Variants in DDX10 observed in about 807,000 individuals in gnomAD.
DDX10 encodes DEAD-box helicase 10.
DDX10 carries 74 observed loss-of-function variants against 104.3 expected under a neutral mutation model. The observed-to-expected ratio is 0.71, with a 90% CI of 0.59 to 0.86. The LOEUF is 0.86. Among genes scored for constraint, DDX10 ranks in the 40% least tolerant of loss-of-function variants. The probability of loss-of-function intolerance (pLI) is 0.00; values close to 1 mark genes in which losing one functional copy is unlikely to be tolerated. For synonymous variants in DDX10, 351 were observed against 353.4 expected, an observed-to-expected ratio of 0.99 and a Z score of 0.08; for missense variants, 952 against 1,040.0, an observed-to-expected ratio of 0.92 and a Z score of 1.16.
At chr11:108,865,500 G>C (rs1314691671) in intron 16 of DDX10, among the ~76,000 whole-genome samples, 4 of 152,162 alleles carry the variant, frequency 2.6e-5, no homozygotes, top group African/African-American at 9.6e-5. Flanking sequence ...AACCATTTCG[G>C]TAGAAAGGAT....
intron 16 of DDX10, among the ~76,000 whole-genome samples, chr11:108,878,047 AAAGGT>A (rs1863176000): frequency 6.6e-6 from 1 of 152,152 alleles, no homozygotes; most frequent in Non-Finnish European, 1.5e-5. Flanking sequence ...CATTTAAAGG[AAAGGT>A]TTTTTTACAT....
At chr11:108,810,437 CA>C in intron 13 of DDX10, among the ~76,000 whole-genome samples, 1 of 152,162 alleles carries the variant, frequency 6.6e-6, no homozygotes, top group East Asian at 1.9e-4. Flanking sequence ...GGAGATGCTG[CA>C]CCCAATTGTA....
intron 16 of DDX10, among the ~76,000 whole-genome samples, chr11:108,858,317 A>C (rs1280783727): frequency 6.6e-6 from 1 of 152,158 alleles, no homozygotes; most frequent in African/African-American, 2.4e-5. Context: ...GTCTCTCATC[A>C]CTAGACTATA....
intron 13 of DDX10, among the ~76,000 whole-genome samples, chr11:108,742,368 C>T (rs2094326262): frequency 6.6e-6 from 1 of 151,550 alleles, no homozygotes; most frequent in Non-Finnish European, 1.5e-5. Flanking sequence ...GAGTTCGAGA[C>T]CAGCCTGACC....
chr11:108,679,691 T>C, intron 6 of DDX10, 131 bp downstream of exon 6: 1 of 627,358 alleles, frequency 1.6e-6, no homozygotes, highest in Non-Finnish European at 2.5e-6. Flanking sequence ...GCATAGTAAA[T>C]ATACCAGTTA....
At position 108,802,010 on chromosome 11, in the gene DDX10, G is replaced by GGGGTGT. The variant is rs1555026955; in HGVS notation, c.1966-36435_1966-36434insGGTGTG. Among the ~76,000 whole-genome samples the GGGGTGT allele has an allele frequency of 5.6e-3, 793 of 142,002 alleles. 1 individual carries two copies. The highest frequency in any genetic ancestry group is 9.0e-3 in the African/African-American group (354 of 39,214). The allele number at this position is 142,002 out of a possible 152,430, so 93.2% of individuals were successfully genotyped here. A position where few individuals can be genotyped will look rare whatever the true frequency, so the allele number is the denominator to read the frequency against. ...AAGGAAGGGGAGAGAAAGTGAGTGG[G>GGGGTGT]GTGTGTGTGTGTGTGTGTGTGTGTG... On this transcript the variant is annotated intron_variant, in intron 13 of 17. Coordinates refer to ENST00000322536, the MANE Select transcript of DDX10 (RefSeq NM_004398.4).
At chr11:108,667,352 C>A (rs2094211417) in intron 1 of DDX10, among the ~76,000 whole-genome samples, 1 of 152,188 alleles carries the variant, frequency 6.6e-6, no homozygotes, top group South Asian at 2.1e-4. Flanking sequence ...TGATTCTTTC[C>A]AAGATGAAGA....
Position 108,917,855 on chromosome 11 carries a change from C to T in DDX10, c.2305-18C>T. On this transcript the variant is annotated intron_variant, in intron 16 of 17. Transcript: ENST00000322536. ...ACTGACTTCTTCAACTGCAGTTTCCCTTATTATTATTTTTTAGGCCAAAGA... is the reference window on the plus strand; with the variant it reads ...ACTGACTTCTTCAACTGCAGTTTCCTTTATTATTATTTTTTAGGCCAAAGA... 1.2e-6 allele frequency: 2 copies of T among 1,607,552 alleles called. No homozygotes were observed. Among genetic ancestry groups the T allele is most frequent in the Non-Finnish European group, 1.7e-6 (2 of 1,178,714 alleles).
intron 15 of DDX10, among the ~76,000 whole-genome samples, chr11:108,849,130 G>A (rs553962131): frequency 5.4e-4 from 82 of 152,236 alleles, no homozygotes; most frequent in African/African-American, 1.8e-3. Flanking sequence ...TCCTGGGAAG[G>A]ATTTAGGTTT....
chr11:108,720,219 AGGG>A, intron 12 of DDX10, among the ~76,000 whole-genome samples: 1 of 152,242 alleles, frequency 6.6e-6, no homozygotes, highest in Non-Finnish European at 1.5e-5. Context: ...CTTGTTAATC[AGGG>A]AGCAGTTTAT....
intron 13 of DDX10, among the ~76,000 whole-genome samples, chr11:108,808,189 A>G (rs1862126218): frequency 6.6e-6 from 1 of 152,208 alleles, no homozygotes; most frequent in Non-Finnish European, 1.5e-5. Context: ...GAAATGTTTC[A>G]ATGATGGGAA....
chr11:108,867,613 A>G (rs1338929889), intron 16 of DDX10, among the ~76,000 whole-genome samples: 1 of 152,184 alleles, frequency 6.6e-6, no homozygotes, highest in Non-Finnish European at 1.5e-5. Flanking sequence ...AGCAAGGCCC[A>G]CACCCATACA....
At chr11:108,702,639 A>G (rs2094270071) in intron 9 of DDX10, among the ~76,000 whole-genome samples, 1 of 152,206 alleles carries the variant, frequency 6.6e-6, no homozygotes, top group South Asian at 2.1e-4. Flanking sequence ...CAGTGGAAGA[A>G]TTAACTGGTA....
Position 108,679,573 on chromosome 11 carries a change from T to G in DDX10, c.848+13T>G, listed in dbSNP as rs1472808064. On this transcript the variant is annotated intron_variant, in intron 6 of 17. Transcript: ENST00000322536. ...AAGCAAAATATAGGTATGTACTCTT[T>G]GAGTCAATCAAGATAAATGTTTTTT... The G allele has an allele frequency of 6.5e-7, 1 of 1,536,960 alleles. No homozygotes were observed. Among genetic ancestry groups the G allele is most frequent in the Non-Finnish European group, 8.8e-7 (1 of 1,141,558 alleles).
intron 6 of DDX10, among the ~76,000 whole-genome samples, chr11:108,681,886 A>G (rs762080393): frequency 5.9e-5 from 9 of 152,192 alleles, no homozygotes; most frequent in Non-Finnish European, 1.2e-4. Flanking sequence ...AACATTAATC[A>G]TTATGAAATG....
chr11:108,832,067 T>C (rs1358638409), intron 13 of DDX10, among the ~76,000 whole-genome samples: 1 of 152,184 alleles, frequency 6.6e-6, no homozygotes, highest in Non-Finnish European at 1.5e-5. Context: ...TTAGGGCTGC[T>C]ATAAATTTCA....
intron 13 of DDX10, among the ~76,000 whole-genome samples, chr11:108,785,723 T>C (rs1457891994): frequency 1.3e-5 from 2 of 152,156 alleles, no homozygotes; most frequent in Non-Finnish European, 2.9e-5. Flanking sequence ...TATGTAAAGG[T>C]GTTCATAATC....
At chr11:108,814,436 C>A (rs1267812016) in intron 13 of DDX10, among the ~76,000 whole-genome samples, 1 of 152,068 alleles carries the variant, frequency 6.6e-6, no homozygotes, top group Non-Finnish European at 1.5e-5. Context: ...ACGTAATAAG[C>A]CCCAGGTGTA....
intron 13 of DDX10, among the ~76,000 whole-genome samples, chr11:108,790,321 C>G (rs1861853154): frequency 6.6e-6 from 1 of 152,158 alleles, no homozygotes; most frequent in Non-Finnish European, 1.5e-5. Flanking sequence ...GTTTTATTAA[C>G]CCAATGAACT....
Sources: allele counts gnomAD v4.1 joint callset (sites outside exome capture counted in the v4.1 genomes callset), GRCh38; gene constraint gnomAD v4.1.1; transcripts MANE v1.5; gene names NCBI Gene and HGNC (gene_info 2026-07-23, HGNC 2026-07-21).